The following DTD1 variants were observed in gnomAD, a reference collection of about 807,000 sequenced individuals.
The protein encoded by DTD1 is D-aminoacyl-tRNA deacylase 1.
A neutral mutation model predicts 25.6 loss-of-function variants in DTD1; 13 were observed. That is an observed-to-expected ratio of 0.51 (90% CI 0.33 to 0.81). DTD1 has a LOEUF of 0.81. DTD1 is among the 30% of genes least tolerant of loss of function. The pLI, the probability that DTD1 is intolerant of heterozygous loss-of-function variation, is 0.02. For missense variants in DTD1, 193 were observed against 266.4 expected (o/e 0.72, Z 1.92); for synonymous variants, 110 against 103.6 (o/e 1.06, Z -0.37).
intron 4 of DTD1, among the ~76,000 whole-genome samples, chr20:18,643,844 T>A (rs920526799): frequency 6.6e-6 from 1 of 152,166 alleles, no homozygotes; most frequent in African/African-American, 2.4e-5. Context: ...TAAGATTAGA[T>A]TCAGGGTGTA....
intron 1 of DTD1, chr20:18,592,635 A>G (rs1406596625): frequency 6.7e-6 from 1 of 149,598 alleles, no homozygotes. Context: ...AGAAAAACAA[A>G]TGAAAAAAAA....
At chr20:18,735,475 G>A (rs540246946) in intron 4 of DTD1, among the ~76,000 whole-genome samples, 4 of 152,244 alleles carry the variant, frequency 2.6e-5, no homozygotes, top group East Asian at 3.9e-4. Context: ...GGCATGAGGC[G>A]GGCTCTTATT....
At chr20:18,725,961 C>T (rs949326493) in intron 4 of DTD1, among the ~76,000 whole-genome samples, 3 of 152,226 alleles carry the variant, frequency 2.0e-5, no homozygotes, top group African/African-American at 7.2e-5. Context: ...CCTCCTTGCT[C>T]TGCTCCCTCC....
At chr20:18,650,501 C>G (rs2060870295) in intron 4 of DTD1, among the ~76,000 whole-genome samples, 1 of 152,228 alleles carries the variant, frequency 6.6e-6, no homozygotes, top group African/African-American at 2.4e-5. Context: ...CACCCTACTT[C>G]ATGCTGCAGC....
At chr20:18,601,287 G>A (rs1348738989) in intron 3 of DTD1, among the ~76,000 whole-genome samples, 2 of 152,092 alleles carry the variant, frequency 1.3e-5, no homozygotes, top group East Asian at 3.9e-4. Context: ...ATCATTTGAA[G>A]TCAGGAGTTT....
intron 3 of DTD1, among the ~76,000 whole-genome samples, chr20:18,597,503 A>C (rs2122247066): frequency 6.6e-6 from 1 of 152,302 alleles, no homozygotes; most frequent in African/African-American, 2.4e-5. Context: ...TCCTGTACTC[A>C]TCAACAGTAC....
chr20:18,682,492 T>A (rs976682976), intron 4 of DTD1, among the ~76,000 whole-genome samples: 1 of 152,214 alleles, frequency 6.6e-6, no homozygotes, highest in Non-Finnish European at 1.5e-5. Context: ...TATGTTCCTG[T>A]TAGGACCCAT....
At chr20:18,748,012 C>T (rs1043861702) in intron 5 of DTD1, among the ~76,000 whole-genome samples, 3 of 151,856 alleles carry the variant, frequency 2.0e-5, no homozygotes, top group African/African-American at 7.3e-5. Flanking sequence ...AGTGAGACTC[C>T]ATCTCAAAAA....
intron 2 of DTD1, among the ~76,000 whole-genome samples, chr20:18,595,623 A>G (rs1369353892): frequency 6.6e-6 from 1 of 152,180 alleles, no homozygotes; most frequent in East Asian, 1.9e-4. Context: ...GATGTCATTT[A>G]TCCTAACATG....
At chr20:18,729,625 C>G (rs1039497398) in intron 4 of DTD1, among the ~76,000 whole-genome samples, 5 of 152,184 alleles carry the variant, frequency 3.3e-5, no homozygotes. Context: ...AAAGCCATGA[C>G]TAAAAATGAA....
At chr20:18,620,399 C>T (rs1429105291) in intron 3 of DTD1, among the ~76,000 whole-genome samples, 1 of 152,224 alleles carries the variant, frequency 6.6e-6, no homozygotes, top group Admixed American at 6.5e-5. Context: ...TAACCCCAAC[C>T]TATGCCACTG....
At chr20:18,608,968 C>T (rs6045500) in intron 3 of DTD1, among the ~76,000 whole-genome samples, 152,215 of 152,306 alleles carry the variant, frequency 1, 76,062 homozygotes, top group Middle Eastern at 1. Context: ...CTGGAAAACA[C>T]ATTCATAGGT....
intron 3 of DTD1, among the ~76,000 whole-genome samples, chr20:18,613,463 A>G (rs2060696334): frequency 1.3e-5 from 2 of 152,192 alleles, no homozygotes; most frequent in Admixed American, 1.3e-4. Flanking sequence ...GGAAGGCAGT[A>G]GGCACTTGTT....
chr20:18,743,799 T>C (rs554118303), intron 4 of DTD1, among the ~76,000 whole-genome samples: 3 of 152,290 alleles, frequency 2.0e-5, no homozygotes, highest in Admixed American at 1.3e-4. Context: ...ATGGAGCTCT[T>C]CTAAGGCTGT....
intron 4 of DTD1, among the ~76,000 whole-genome samples, chr20:18,728,142 C>T (rs1246916516): frequency 6.6e-6 from 1 of 152,202 alleles, no homozygotes; most frequent in African/African-American, 2.4e-5. Context: ...CCTGGCCTTC[C>T]TGCCTCCTTG....
At chr20:18,745,991 A>G (rs963643612) in intron 5 of DTD1, among the ~76,000 whole-genome samples, 1 of 152,178 alleles carries the variant, frequency 6.6e-6, no homozygotes, top group African/African-American at 2.4e-5. Flanking sequence ...CAGAGGGGAA[A>G]GAGTGGGATT....
At chr20:18,736,261 G>GT (rs1208586803) in intron 4 of DTD1, among the ~76,000 whole-genome samples, 1 of 152,168 alleles carries the variant, frequency 6.6e-6, no homozygotes, top group Non-Finnish European at 1.5e-5. Flanking sequence ...TCAAGCCTAG[G>GT]TAAGTGCTGC....
chr20:18,663,232 C>A (rs979016172), intron 4 of DTD1, among the ~76,000 whole-genome samples: 1 of 152,004 alleles, frequency 6.6e-6, no homozygotes, highest in East Asian at 1.9e-4. Context: ...TAGAAAGTGT[C>A]CATATAGCTG....
At chr20:18,707,428 G>A (rs2061130994) in intron 4 of DTD1, among the ~76,000 whole-genome samples, 1 of 152,182 alleles carries the variant, frequency 6.6e-6, no homozygotes, top group South Asian at 2.1e-4. Flanking sequence ...CACCCTGCGT[G>A]CTCACTCATA....
Sources: gnomAD v4.1 joint callset for allele counts (sites outside exome capture counted in the v4.1 genomes callset) on GRCh38, gnomAD v4.1.1 for gene constraint, MANE v1.5 for transcripts, NCBI Gene and HGNC (gene_info 2026-07-23, HGNC 2026-07-21) for gene names.